The following UBR4 variants were observed in gnomAD, a reference collection of about 807,000 sequenced individuals.
UBR4 encodes the protein ubiquitin protein ligase E3 component n-recognin 4.
Under a neutral mutation model 575.6 loss-of-function variants are expected in UBR4, and 124 were observed. The observed-to-expected ratio is 0.22, with a 90% CI of 0.19 to 0.25. The LOEUF (loss-of-function observed/expected upper bound fraction) is 0.25, where lower values mean the gene tolerates loss of function less well. Among genes scored for constraint, UBR4 ranks in the 10% least tolerant of loss-of-function variants. The pLI, the probability that UBR4 is intolerant of heterozygous loss-of-function variation, is 1.00. For missense variants in UBR4, 4,818 were observed against 6,478.8 expected (o/e 0.74, Z 8.80); for synonymous variants, 2,455 against 2,473.7 (o/e 0.99, Z 0.22).
intron 73 of UBR4, among the ~76,000 whole-genome samples, chr1:19,116,110 T>C (rs186530548): frequency 5.3e-5 from 8 of 152,308 alleles, no homozygotes; most frequent in South Asian, 2.1e-4. Context: ...TTTGGGGTGA[T>C]TATATAACAC....
intron 35 of UBR4, 59 bp from the exon 36 acceptor site, chr1:19,161,956 A>C: frequency 1.3e-6 from 2 of 1,591,826 alleles, no homozygotes; most frequent in Non-Finnish European, 1.7e-6. Flanking sequence ...AACACCCACA[A>C]AAACACATGT....
rs560937761 is a variant in UBR4 at position 19,122,854 on chromosome 1, T to C, written c.9795A>G (p.Gln3265=). The C allele has an allele frequency of 1.0e-4, 166 of 1,614,266 alleles. 1 individual carries two copies. The highest frequency in any genetic ancestry group is 9.4e-4 in the South Asian group (86 of 91,092). ...VVTASSGSAL[Q]YDTLISLMEH... is the part of the protein sequence containing the mutation. ...GTACCAGGCTGATGAGTGTGTCATA[T>C]TGCAAGGCGGAGCCTGAGCTGGCTG... is the stretch of plus-strand genomic sequence containing the variant. Residue 3265 remains glutamine (Q), a synonymous_variant, in exon 66 of 106, where the codon CAA becomes CAG. Transcript: ENST00000375254.
chr1:19,119,846 A>G, intron 69 of UBR4, 145 bp from the exon 70 acceptor site: 1 of 1,143,980 alleles, frequency 8.7e-7, no homozygotes, highest in Non-Finnish European at 1.2e-6. Context: ...AATCAATCCT[A>G]CCAGATGCAG....
At chr1:19,084,236 G>T (rs959815262) in intron 102 of UBR4, among the ~76,000 whole-genome samples, 6 of 152,250 alleles carry the variant, frequency 3.9e-5, no homozygotes, top group African/African-American at 7.2e-5. Flanking sequence ...GCTCCCCTGT[G>T]AGCTGAACGT....
Position 19,162,434 on chromosome 1 carries a change from G to A in UBR4, c.4942C>T (p.Gln1648Ter). 6.2e-7 allele frequency: 1 copy of A among 1,613,254 alleles called. No homozygotes were observed. Among genetic ancestry groups the A allele is most frequent in the Non-Finnish European group, 8.5e-7 (1 of 1,179,738 alleles). The stretch of plus-strand genomic sequence containing the variant: ...TTAGTACTTACTGAATCCTCAGCCT[G>A]GGAATCTTCCTCTTCCACCGCCAAC... Reference protein sequence around the residue: ...EELAVEEEDSQAEDSDEDSLC... With the variant: ...EELAVEEEDS Residue 1648 changes from glutamine to a stop codon, truncating the protein, a stop_gained, in exon 35 of 106, where the codon CAG becomes TAG. Coordinates refer to ENST00000375254, the MANE Select transcript of UBR4 (RefSeq NM_020765.3). LOFTEE classifies it high-confidence loss of function.
intron 13 of UBR4, among the ~76,000 whole-genome samples, chr1:19,186,962 T>G (rs575118723): frequency 1.2e-4 from 18 of 151,946 alleles, no homozygotes; most frequent in African/African-American, 3.9e-4. Context: ...CTGATTCAAA[T>G]GTTTGGATAG....
intron 52 of UBR4, 99 bp from the exon 53 acceptor site, chr1:19,146,032 GAGTTTCA>G (rs2084816683): frequency 6.3e-7 from 1 of 1,595,162 alleles, no homozygotes; most frequent in Admixed American, 1.7e-5. Flanking sequence ...CCTGGGGAGG[GAGTTTCA>G]AGTGGGGCCC....
Position 19,139,690 on chromosome 1 carries a change from C to T in UBR4, c.8594-470G>A, listed in dbSNP as rs1261567812. On this transcript the variant is annotated intron_variant, in intron 58 of 105. Transcript: ENST00000375254. This position sits in a 1 kb window ranked among gnomAD's most constrained non-coding sequence, Gnocchi z 4.2. ...TAATGAGACTTGTTTTGAAATCAGTCAAGTTTTGCTTATGTTAGGAAATCA... is the reference window on the plus strand; with the variant it reads ...TAATGAGACTTGTTTTGAAATCAGTTAAGTTTTGCTTATGTTAGGAAATCA... Among the ~76,000 whole-genome samples the T allele has an allele frequency of 6.6e-6, 1 of 152,180 alleles. No individual in the cohort carries two copies.
intron 87 of UBR4, among the ~76,000 whole-genome samples, chr1:19,103,473 G>A (rs1044325253): frequency 5.9e-5 from 9 of 152,140 alleles, no homozygotes; most frequent in African/African-American, 1.9e-4. Context: ...GCTGAGGCAG[G>A]CGAATCGCTT....
At chr1:19,187,659 C>A in intron 11 of UBR4, 119 bp from the exon 12 acceptor site, 3 of 852,764 alleles carry the variant, frequency 3.5e-6, no homozygotes, top group Non-Finnish European at 5.4e-6. Flanking sequence ...TGTGGACCTT[C>A]AGAAAAAAAA....
chr1:19,103,363 G>A (rs1234595461), intron 87 of UBR4, among the ~76,000 whole-genome samples: 2 of 152,102 alleles, frequency 1.3e-5, no homozygotes, highest in South Asian at 2.1e-4. Flanking sequence ...TCGGGAGTTC[G>A]AGACCAGCCT....
chr1:19,095,534 A>G lies in UBR4; in HGVS notation c.13626+11T>C. 1 of 1,613,152 alleles carries G rather than the reference A, an allele frequency of 6.2e-7. No individual in the cohort carries two copies. Among genetic ancestry groups the G allele is most frequent in the Non-Finnish European group, 8.5e-7 (1 of 1,179,656 alleles). On this transcript the variant is annotated intron_variant, in intron 93 of 105. Transcript: ENST00000375254. ...GCCCACTCTTCTTCACCTGCAGTCC[A>G]TGCTCCTTACCAGGTTTAGGGTCCC...
At chr1:19,207,937 C>G (rs2093090857) in intron 1 of UBR4, among the ~76,000 whole-genome samples, 1 of 152,212 alleles carries the variant, frequency 6.6e-6, no homozygotes, top group African/African-American at 2.4e-5. Flanking sequence ...ACAGTCCAGA[C>G]AGAGACCACA....
intron 89 of UBR4, chr1:19,099,949 A>C: frequency 4.2e-6 from 2 of 476,402 alleles, no homozygotes; most frequent in Non-Finnish European, 7.4e-6. Context: ...TCAGCACCAG[A>C]AAAGGCTTTT....
intron 11 of UBR4, among the ~76,000 whole-genome samples, chr1:19,190,312 A>AAAAAAAAAAAAAAAAAAAAAATAT: frequency 1.3e-5 from 1 of 79,922 alleles, no homozygotes; most frequent in African/African-American, 5.3e-5. Flanking sequence ...AAAAAAAAAA[A>AAAAAAAAAAAAAAAAAAAAAATAT]ATATATATAT....
At chr1:19,141,017 A>G in intron 57 of UBR4, 125 bp from the exon 58 acceptor site, 2 of 1,026,346 alleles carry the variant, frequency 1.9e-6, no homozygotes, top group Admixed American at 2.4e-5. Flanking sequence ...GCCTAGAGGA[A>G]GTTAGCTAGC....
At chr1:19,104,039 C>T in intron 87 of UBR4, 45 bp downstream of exon 87, 1 of 1,599,370 alleles carries the variant, frequency 6.3e-7, no homozygotes. Flanking sequence ...TCGGCAGCCC[C>T]AGAAGGGACA....
intron 88 of UBR4, 113 bp downstream of exon 88, chr1:19,101,407 A>G: frequency 7.4e-7 from 1 of 1,357,366 alleles, no homozygotes; most frequent in Admixed American, 2.5e-5. Context: ...CTAATGACTA[A>G]GTGGCCCACA....
intron 48 of UBR4, 90 bp downstream of exon 48, chr1:19,151,553 A>T: frequency 7.3e-7 from 1 of 1,367,214 alleles, no homozygotes; most frequent in Non-Finnish European, 1.0e-6. Flanking sequence ...GAGTGGAGAG[A>T]TCCCAGAATG....
Sources: allele counts gnomAD v4.1 joint callset (sites outside exome capture counted in the v4.1 genomes callset), GRCh38; gene constraint gnomAD v4.1.1; non-coding constraint Gnocchi (gnomAD v3.1); transcripts MANE v1.5; gene names NCBI Gene and HGNC (gene_info 2026-07-23, HGNC 2026-07-21).